Variants in CACNA2D4 observed in about 807,000 individuals in gnomAD.
CACNA2D4 encodes voltage-dependent calcium channel subunit alpha-2/delta-4.
Under a neutral mutation model 163.8 loss-of-function variants are expected in CACNA2D4, and 157 were observed. That is an observed-to-expected ratio of 0.96 (90% CI 0.84 to 1.09). The LOEUF (loss-of-function observed/expected upper bound fraction) is 1.09, where lower values mean the gene tolerates loss of function less well. Among genes scored for constraint, CACNA2D4 ranks in the 50% least tolerant of loss-of-function variants. The pLI, the probability that CACNA2D4 is intolerant of heterozygous loss-of-function variation, is 0.00. For missense variants in CACNA2D4, 1,410 were observed against 1,479.9 expected (o/e 0.95, Z 0.78); for synonymous variants, 598 against 586.9 (o/e 1.02, Z -0.27).
chr12:1,878,188 T>C lies in CACNA2D4; in HGVS notation c.1719+127A>G. 1 of 1,048,296 alleles carries C rather than the reference T, an allele frequency of 9.5e-7. No homozygotes were observed. The highest frequency in any genetic ancestry group is 1.4e-6 in the Non-Finnish European group (1 of 696,056). 64.9% of individuals were successfully genotyped at this position (1,048,296 alleles called of 1,614,324 possible). On this transcript the variant is annotated intron_variant, in intron 16 of 37. Transcript: ENST00000382722. The surrounding 1 kb of genome is among the most constrained non-coding windows in gnomAD (Gnocchi z 4.6). ...AGGGACCATGACTCGAATACATTTT[T>C]TTTCTCATATTACCCACTGGGTTCC...
At chr12:1,891,868 TAACTC>T (rs1866289294) in intron 6 of CACNA2D4, among the ~76,000 whole-genome samples, 1 of 152,004 alleles carries the variant, frequency 6.6e-6, no homozygotes, top group African/African-American at 2.4e-5. Context: ...TCTTTTGAAA[TAACTC>T]AGACAAAAAT....
At chr12:1,819,396 A>T (rs141160737) in intron 26 of CACNA2D4, among the ~76,000 whole-genome samples, 1,575 of 152,264 alleles carry the variant, frequency 0.01, 31 homozygotes, top group African/African-American at 0.036. Context: ...GAAGGGAGTG[A>T]GCAGGAGCAT....
At chr12:1,886,987 C>A in intron 7 of CACNA2D4, 22 bp downstream of exon 7, 1 of 1,564,122 alleles carries the variant, frequency 6.4e-7, no homozygotes. Flanking sequence ...GGGCCGCAAA[C>A]CTTTCCCCTG....
chr12:1,813,560 G>T (rs1435686842), intron 26 of CACNA2D4, among the ~76,000 whole-genome samples: 1 of 152,196 alleles, frequency 6.6e-6, no homozygotes, highest in Non-Finnish European at 1.5e-5. Flanking sequence ...AGCCACGTAT[G>T]GTTGGTGGCC....
At chr12:1,795,248 A>G (rs1454803598) in intron 37 of CACNA2D4, 51 bp downstream of exon 37, 1 of 1,538,520 alleles carries the variant, frequency 6.5e-7, no homozygotes, top group Non-Finnish European at 8.9e-7. Flanking sequence ...CCAGGCACAG[A>G]GGGTTTGGGG....
rs1866511084 is a variant in CACNA2D4 at position 1,900,464 on chromosome 12, T to A, written c.781+6976A>T. Among the ~76,000 whole-genome samples the A allele has an allele frequency of 2.6e-5, 4 of 152,312 alleles. No homozygotes were observed. The South Asian group carries it at 8.3e-4, about 32-fold the overall frequency. ...AAAAACTTTTAACAACATTCAGAGTTAGATAAATTGTGCATCAGTGGGATC... is the reference window on the plus strand; with the variant it reads ...AAAAACTTTTAACAACATTCAGAGTAAGATAAATTGTGCATCAGTGGGATC... On this transcript the variant is annotated intron_variant, in intron 6 of 37. Transcript: ENST00000382722.
rs1267543445 is a variant in CACNA2D4, at chr12:1,913,196, A to C, written c.310-57T>G. ...TGTGGTTTTGTACCAGGATAGTTGCACCTGTGTATGCATGGCCTCCAACCT... is the reference window on the plus strand; with the variant it reads ...TGTGGTTTTGTACCAGGATAGTTGCCCCTGTGTATGCATGGCCTCCAACCT... On this transcript the variant is annotated intron_variant, in intron 2 of 37. Transcript: ENST00000382722. The C allele has an allele frequency of 2.1e-5, 25 of 1,199,914 alleles. No individual in the cohort carries two copies. The East Asian group carries it at 5.4e-4, about 26-fold the overall frequency. 74.3% of individuals were successfully genotyped at this position (1,199,914 alleles called of 1,614,324 possible). A position where few individuals can be genotyped will look rare whatever the true frequency, so the allele number is the denominator to read the frequency against.
intron 26 of CACNA2D4, among the ~76,000 whole-genome samples, chr12:1,818,851 C>A (rs1384439472): frequency 6.1e-5 from 9 of 148,234 alleles, no homozygotes; most frequent in African/African-American, 2.0e-4. Context: ...ACAAACACTG[C>A]GGAAGGCGGC....
Position 1,833,492 on chromosome 12 carries a change from G to A in CACNA2D4, c.2551+7247C>T, listed in dbSNP as rs976100525. On this transcript the variant is annotated intron_variant, in intron 26 of 37. Transcript: ENST00000382722. The surrounding 1 kb of genome is among the most constrained non-coding windows in gnomAD (Gnocchi z 4.2). ...ATCATGAAGACATCCTGGCGAGCCC[G>A]TGCGCCCAGGTACCCACACCTCCTC... Among the ~76,000 whole-genome samples the A allele has an allele frequency of 7.2e-5, 11 of 152,140 alleles. No homozygotes were observed. In the East Asian group the frequency reaches 1.2e-3, roughly 16 times the overall value.
chr12:1,846,410 G>C (rs1865143993), intron 24 of CACNA2D4, among the ~76,000 whole-genome samples, 184 bp downstream of exon 24: 1 of 152,090 alleles, frequency 6.6e-6, no homozygotes, highest in African/African-American at 2.4e-5. Context: ...AGCCTTCGGG[G>C]AAGGGCTGCC....
rs1863723041 is a variant in CACNA2D4 at position 1,811,839 on chromosome 12, G to T, written c.2552-116C>A. The T allele has an allele frequency of 3.9e-6, 4 of 1,017,080 alleles. No individual in the cohort carries two copies. The Admixed American group carries it at 6.4e-5, about 16-fold the overall frequency. 63.0% of individuals were successfully genotyped at this position (1,017,080 alleles called of 1,614,324 possible). ...GGAACTGAGGAGAGAGACCGCAGCG[G>T]ATGGGAGGACTGAGTCAGAGGGCAG... On this transcript the variant is annotated intron_variant, in intron 26 of 37. Transcript: ENST00000382722.
intron 6 of CACNA2D4, among the ~76,000 whole-genome samples, chr12:1,896,647 ACAC>A (rs1565734753): frequency 5.5e-4 from 81 of 148,184 alleles, no homozygotes; most frequent in African/African-American, 9.1e-4. Context: ...ACACACACAC[ACAC>A]ACACAAAACA....
At chr12:1,794,297 T>G (rs1418290290) in intron 37 of CACNA2D4, among the ~76,000 whole-genome samples, 1 of 152,108 alleles carries the variant, frequency 6.6e-6, no homozygotes, top group African/African-American at 2.4e-5. Flanking sequence ...CCTGGTTGAC[T>G]TCGTATTTTA....
At position 1,798,367 on chromosome 12, in the gene CACNA2D4, C is replaced by G. The variant is rs1187578765; in HGVS notation, c.2996-832G>C. On this transcript the variant is annotated intron_variant, in intron 34 of 37. Transcript: ENST00000382722. The surrounding 1 kb of genome is among the most constrained non-coding windows in gnomAD (Gnocchi z 4.3). Reference sequence around the variant, plus strand: ...GGCAGGGAGCACAGGTGTGAGCTACCTTCCCAGGCTCATGCAGAGTCCTAC... The same window carrying G: ...GGCAGGGAGCACAGGTGTGAGCTACGTTCCCAGGCTCATGCAGAGTCCTAC... 6.6e-6 allele frequency among the ~76,000 whole-genome samples: 1 copy of G among 152,160 alleles called. No individual in the cohort carries two copies. The highest frequency in any genetic ancestry group is 2.4e-5 in the African/African-American group (1 of 41,438).
intron 27 of CACNA2D4, 27 bp from the exon 28 acceptor site, chr12:1,810,614 TG>T: frequency 6.4e-7 from 1 of 1,551,602 alleles, no homozygotes; most frequent in East Asian, 2.4e-5. Flanking sequence ...AGACTGAATG[TG>T]GACACTGCAT....
intron 26 of CACNA2D4, among the ~76,000 whole-genome samples, chr12:1,821,524 G>A (rs774846223): frequency 2.6e-5 from 4 of 152,192 alleles, no homozygotes; most frequent in East Asian, 3.9e-4. Context: ...AACCAGGCCC[G>A]CGAGAACCTG....
intron 26 of CACNA2D4, among the ~76,000 whole-genome samples, chr12:1,826,403 C>CT (rs1282693514): frequency 3.8e-5 from 1 of 26,068 alleles, no homozygotes; most frequent in African/African-American, 1.7e-4. Flanking sequence ...ACCCAGAGCC[C>CT]CCCCCCCCCC....
At chr12:1,884,150 G>A (rs1226527811) in intron 12 of CACNA2D4, 93 bp downstream of exon 12, 1 of 1,101,410 alleles carries the variant, frequency 9.1e-7, no homozygotes, top group Non-Finnish European at 1.4e-6. Flanking sequence ...AGGGGCCCAT[G>A]GGGAAGCCCG....
At chr12:1,800,858 C>T in intron 31 of CACNA2D4, 185 bp downstream of exon 31, 3 of 617,070 alleles carry the variant, frequency 4.9e-6, no homozygotes, top group Non-Finnish European at 8.6e-6. Flanking sequence ...CAAAGCCAGA[C>T]CCAGAGGCCT....
Sources: gnomAD v4.1 joint callset for allele counts (sites outside exome capture counted in the v4.1 genomes callset) on GRCh38, gnomAD v4.1.1 for gene constraint, Gnocchi (gnomAD v3.1) non-coding constraint, MANE v1.5 for transcripts, NCBI Gene and HGNC (gene_info 2026-07-23, HGNC 2026-07-21) for gene names.